Variants in SLIT3 observed in about 807,000 individuals in gnomAD.
SLIT3 encodes the protein slit guidance ligand 3, also known as slit homolog 3 protein.
SLIT3 carries 68 observed loss-of-function variants against 184.0 expected under a neutral mutation model. That is an observed-to-expected ratio of 0.37 (90% CI 0.30 to 0.45). The LOEUF is 0.45. Among genes scored for constraint, SLIT3 ranks in the 20% least tolerant of loss-of-function variants. The pLI is 1.00. For missense variants in SLIT3, 1,707 were observed against 2,026.0 expected (o/e 0.84, Z 3.02); for synonymous variants, 831 against 828.6 (o/e 1.00, Z -0.05).
intron 4 of SLIT3, among the ~76,000 whole-genome samples, chr5:168,901,155 G>A (rs1264643270): frequency 6.6e-6 from 1 of 152,104 alleles, no homozygotes; most frequent in Admixed American, 6.5e-5. Flanking sequence ...GAGGTCAGGA[G>A]ATAGTCCATC....
rs890922315 is a variant in SLIT3 at position 169,182,104 on chromosome 5, G to T, written c.413+11375C>A. 4.6e-5 allele frequency among the ~76,000 whole-genome samples: 7 copies of T among 152,282 alleles called. No individual in the cohort carries two copies. The South Asian group carries it at 6.2e-4, about 14-fold the overall frequency. ...GGGAGAGTTTTTGGCTACGCAACAG[G>T]CAGTGCTAATCAAGGGGCGGGCGGG... On this transcript the variant is annotated intron_variant, in intron 4 of 35. Coordinates refer to ENST00000519560, the MANE Select transcript of SLIT3 (RefSeq NM_003062.4).
intron 4 of SLIT3, among the ~76,000 whole-genome samples, chr5:169,121,034 C>T (rs1054863425): frequency 6.6e-6 from 1 of 152,182 alleles, no homozygotes; most frequent in Admixed American, 6.5e-5. Context: ...AATACAGAGG[C>T]TAAAGTTAGA....
intron 4 of SLIT3, among the ~76,000 whole-genome samples, chr5:168,903,803 C>T (rs750942509): frequency 1.1e-3 from 115 of 107,602 alleles, no homozygotes; most frequent in Admixed American, 9.4e-3. Context: ...CCCAGCACCT[C>T]GTTCACTGGT....
At chr5:168,757,788 C>A (rs568247467) in intron 16 of SLIT3, among the ~76,000 whole-genome samples, 2 of 152,284 alleles carry the variant, frequency 1.3e-5, no homozygotes, top group East Asian at 3.9e-4. Flanking sequence ...AACTCAGATG[C>A]CCTCTCCTGT....
chr5:168,669,077 A>C lies in SLIT3; in HGVS notation c.4336+706T>G, dbSNP rs572503720. Among the ~76,000 whole-genome samples, 7 of 152,246 alleles carry C rather than the reference A, an allele frequency of 4.6e-5. No homozygotes were observed. The East Asian group carries it at 1.4e-3, about 29-fold the overall frequency. On this transcript the variant is annotated intron_variant, in intron 35 of 35. Transcript: ENST00000519560. ...TCTCAACATCTCACGTACTCCTCCC[A>C]ACAACCCTATAAAGAAGCACAGTAG... is the stretch of plus-strand genomic sequence containing the variant.
chr5:169,062,771 GT>G, intron 4 of SLIT3, among the ~76,000 whole-genome samples: 1 of 152,322 alleles, frequency 6.6e-6, no homozygotes, highest in South Asian at 2.1e-4. Context: ...CTGGCTCAGA[GT>G]TGGGTCCAGT....
At chr5:168,837,485 A>T (rs1438816466) in intron 6 of SLIT3, among the ~76,000 whole-genome samples, 1 of 152,248 alleles carries the variant, frequency 6.6e-6, no homozygotes, top group African/African-American at 2.4e-5. Context: ...AATCAAAGGT[A>T]ATGTGAAAAG....
chr5:168,971,648 AAC>A (rs1417993324), intron 4 of SLIT3, among the ~76,000 whole-genome samples: 1 of 152,256 alleles, frequency 6.6e-6, no homozygotes, highest in Non-Finnish European at 1.5e-5. Context: ...TTTAATAAAA[AAC>A]ATTCAATAAA....
chr5:168,895,478 C>T (rs939809376), intron 4 of SLIT3, among the ~76,000 whole-genome samples: 10 of 152,148 alleles, frequency 6.6e-5, no homozygotes, highest in Admixed American at 1.3e-4. Context: ...ATCCTGGGGC[C>T]ATCTGCTGAT....
At chr5:169,199,178 T>G (rs1040702825) in intron 3 of SLIT3, among the ~76,000 whole-genome samples, 1 of 151,858 alleles carries the variant, frequency 6.6e-6, no homozygotes, top group Non-Finnish European at 1.5e-5. Context: ...GCAGCTGAAG[T>G]GTAGGAGAGA....
intron 4 of SLIT3, among the ~76,000 whole-genome samples, chr5:169,015,978 ACACACAC>A (rs1301631169): frequency 2.7e-5 from 3 of 111,260 alleles, no homozygotes; most frequent in East Asian, 2.9e-4. Flanking sequence ...ACACACACAC[ACACACAC>A]AACTTTCTGT....
intron 4 of SLIT3, among the ~76,000 whole-genome samples, chr5:168,979,369 G>T (rs1754874503): frequency 6.6e-6 from 1 of 152,160 alleles, no homozygotes; most frequent in African/African-American, 2.4e-5. Flanking sequence ...TGGAAAAGAG[G>T]ATCTGTTTCT....
chr5:168,687,509 G>A (rs1761783070), intron 29 of SLIT3, among the ~76,000 whole-genome samples: 1 of 152,136 alleles, frequency 6.6e-6, no homozygotes, highest in Non-Finnish European at 1.5e-5. Flanking sequence ...ATACTCCATC[G>A]TAAGGAAGAA....
intron 4 of SLIT3, among the ~76,000 whole-genome samples, chr5:168,990,758 T>C (rs1420060723): frequency 2.0e-5 from 3 of 152,106 alleles, no homozygotes; most frequent in African/African-American, 7.2e-5. Flanking sequence ...CTTGGGTGGG[T>C]TAGTAATGTC....
At chr5:169,105,944 A>C (rs1167978080) in intron 4 of SLIT3, among the ~76,000 whole-genome samples, 1 of 151,728 alleles carries the variant, frequency 6.6e-6, no homozygotes, top group Non-Finnish European at 1.5e-5. Context: ...TTATAATAGA[A>C]TGATTTATAT....
At chr5:168,814,700 G>A (rs971819675) in intron 8 of SLIT3, among the ~76,000 whole-genome samples, 1 of 152,168 alleles carries the variant, frequency 6.6e-6, no homozygotes. Flanking sequence ...TTTTGAAAAC[G>A]CATTAGGTTG....
chr5:169,189,747 T>C (rs891114418), intron 4 of SLIT3, among the ~76,000 whole-genome samples: 5 of 151,854 alleles, frequency 3.3e-5, no homozygotes, highest in Non-Finnish European at 7.4e-5. Flanking sequence ...AGTTGTATGA[T>C]ATTGTTCAAA....
intron 32 of SLIT3, among the ~76,000 whole-genome samples, chr5:168,680,767 C>T (rs1050842044): frequency 6.6e-6 from 1 of 152,216 alleles, no homozygotes; most frequent in Non-Finnish European, 1.5e-5. Flanking sequence ...CCCAGGGCTT[C>T]CTCGCTGCTC....
At chr5:169,270,446 T>C (rs1048594366) in intron 1 of SLIT3, among the ~76,000 whole-genome samples, 20 of 152,172 alleles carry the variant, frequency 1.3e-4, no homozygotes, top group African/African-American at 1.2e-4. Context: ...GGATAATATT[T>C]CATGACACAT....
Sources: allele counts gnomAD v4.1 joint callset (sites outside exome capture counted in the v4.1 genomes callset), GRCh38; gene constraint gnomAD v4.1.1; transcripts MANE v1.5; gene names NCBI Gene and HGNC (gene_info 2026-07-23, HGNC 2026-07-21).